The following TSPAN15 variants were observed in gnomAD, a reference collection of about 807,000 sequenced individuals.
TSPAN15 encodes the protein tetraspanin 15.
A neutral mutation model predicts 34.5 loss-of-function variants in TSPAN15; 20 were observed. The ratio of observed to expected loss-of-function variants is 0.58; its 90% CI spans 0.41 to 0.84. The LOEUF (loss-of-function observed/expected upper bound fraction) is 0.84. Ranked by LOEUF, TSPAN15 falls within the 40% of genes least tolerant of loss-of-function variation. TSPAN15 has a pLI of 0.00. For missense variants in TSPAN15, 313 were observed against 386.1 expected (o/e 0.81, Z 1.59); for synonymous variants, 155 against 153.9 (o/e 1.01, Z -0.05).
intron 3 of TSPAN15, among the ~76,000 whole-genome samples, chr10:69,486,777 C>T (rs1049104481): frequency 6.6e-6 from 1 of 152,232 alleles, no homozygotes; most frequent in African/African-American, 2.4e-5. Flanking sequence ...CTGGGGCCTC[C>T]TGCAGTGGGA....
At chr10:69,481,434 T>C (rs909910597) in intron 1 of TSPAN15, among the ~76,000 whole-genome samples, 1 of 152,242 alleles carries the variant, frequency 6.6e-6, no homozygotes, top group African/African-American at 2.4e-5. Context: ...TCTGTTATCC[T>C]GTGTTTCTGC....
chr10:69,507,336 T>G lies in TSPAN15; in HGVS notation c.*358T>G. 8.2e-7 allele frequency: 1 copy of G among 1,215,554 alleles called. No individual in the cohort carries two copies. The highest frequency in any genetic ancestry group is 1.0e-6 in the Non-Finnish European group (1 of 961,196). 75.3% of individuals were successfully genotyped at this position (1,215,554 alleles called of 1,614,324 possible). ...GGCGGTGGTATTCAAGGCAGTTTTG[T>G]AGCACCTGTAATTGGGGAGAGGGAG... On this transcript the variant is annotated 3_prime_UTR_variant, in exon 8 of 8. Coordinates refer to ENST00000373290, the MANE Select transcript of TSPAN15 (RefSeq NM_012339.5).
intron 1 of TSPAN15, among the ~76,000 whole-genome samples, chr10:69,467,979 GT>G (rs1247044538): frequency 2.0e-5 from 3 of 152,142 alleles, no homozygotes; most frequent in Non-Finnish European, 4.4e-5. Context: ...ACTGTCGTGT[GT>G]TACTTGCCTA....
chr10:69,535,274 G>T, the TSPAN15 span, among the ~76,000 whole-genome samples: 112 of 152,186 alleles, frequency 7.4e-4, no homozygotes, highest in Non-Finnish European at 1.5e-3. Flanking sequence ...AACTTCTTAA[G>T]CCACAAAGGT....
intron 1 of TSPAN15, among the ~76,000 whole-genome samples, chr10:69,471,218 T>C (rs1000494916): frequency 1.3e-5 from 2 of 151,786 alleles, no homozygotes; most frequent in Non-Finnish European, 2.9e-5. Flanking sequence ...GTTCTTAAAA[T>C]AGTAGCTCCC....
intron 1 of TSPAN15, among the ~76,000 whole-genome samples, chr10:69,466,414 A>G (rs1693200651): frequency 6.6e-6 from 1 of 152,102 alleles, no homozygotes; most frequent in South Asian, 2.1e-4. Flanking sequence ...GCACAAGATG[A>G]TTGTAGCTGG....
the TSPAN15 span, chr10:69,523,542 A>G: frequency 2.3e-6 from 1 of 425,636 alleles, no homozygotes; most frequent in Non-Finnish European, 4.5e-6. Flanking sequence ...GCTCCTTCCC[A>G]GAGGCATCTG....
chr10:69,534,336 G>GA, the TSPAN15 span, among the ~76,000 whole-genome samples: 1 of 152,174 alleles, frequency 6.6e-6, no homozygotes, highest in Non-Finnish European at 1.5e-5. Context: ...CAGACAACCA[G>GA]AAAGAATAGA....
intron 1 of TSPAN15, among the ~76,000 whole-genome samples, chr10:69,470,684 C>T (rs748337179): frequency 3.9e-5 from 6 of 152,056 alleles, no homozygotes; most frequent in Admixed American, 1.3e-4. Flanking sequence ...CCCAGGAGTC[C>T]GAGACCAGCC....
At chr10:69,528,697 C>T in the TSPAN15 span, among the ~76,000 whole-genome samples, 2 of 148,414 alleles carry the variant, frequency 1.3e-5, no homozygotes, top group Admixed American at 1.4e-4. Flanking sequence ...AGAAGCCCCA[C>T]AGAGGATAGC....
intron 3 of TSPAN15, among the ~76,000 whole-genome samples, chr10:69,490,801 A>G (rs137960355): frequency 6.6e-6 from 1 of 152,240 alleles, no homozygotes; most frequent in East Asian, 1.9e-4. Context: ...TTTATGCTGT[A>G]TTGTTCTTTA....
At chr10:69,467,283 A>G (rs4988635) in intron 1 of TSPAN15, among the ~76,000 whole-genome samples, 60,597 of 151,934 alleles carry the variant, frequency 0.4, 12,588 homozygotes, top group Non-Finnish European at 0.45. Flanking sequence ...TTTAGCTCCA[A>G]GTAGCAGTTA....
chr10:69,534,311 C>G, the TSPAN15 span, among the ~76,000 whole-genome samples: 1 of 152,166 alleles, frequency 6.6e-6, no homozygotes, highest in Non-Finnish European at 1.5e-5. Context: ...CCTGTGGAAT[C>G]TACTAGAGGA....
chr10:69,463,211 C>A (rs1841308361), intron 1 of TSPAN15, among the ~76,000 whole-genome samples: 1 of 152,160 alleles, frequency 6.6e-6, no homozygotes, highest in Non-Finnish European at 1.5e-5. Flanking sequence ...GTGGGGTGGC[C>A]TGTGATAATT....
chr10:69,530,814 CTCTCTCTATATATATATATA>C, the TSPAN15 span, among the ~76,000 whole-genome samples: 402 of 61,280 alleles, frequency 6.6e-3, 3 homozygotes, highest in East Asian at 0.027. Flanking sequence ...CTCTCTCTCT[CTCTCTCTATATATATATATA>C]TATATATATA....
At chr10:69,483,969 C>A in intron 2 of TSPAN15, 93 bp downstream of exon 2, 1 of 1,375,864 alleles carries the variant, frequency 7.3e-7, no homozygotes. Context: ...TCTTTTGTCC[C>A]TGCCTCAAAC....
In TSPAN15 at chr10:69,474,904, T is replaced by A. The variant is rs572962340; in HGVS notation, c.97-8787T>A. Among the ~76,000 whole-genome samples, 3 of 152,266 alleles carry A rather than the reference T, an allele frequency of 2.0e-5. No individual in the cohort carries two copies. In the East Asian group the frequency reaches 5.8e-4, roughly 29 times the overall value. On this transcript the variant is annotated intron_variant, in intron 1 of 7. Coordinates refer to ENST00000373290, the MANE Select transcript of TSPAN15 (RefSeq NM_012339.5). ...CAGGGTGCATCCGGGAGCACTGTCT[T>A]CTGCTCTGACTGACCTCTGGCTACT... is the stretch of plus-strand genomic sequence containing the variant.
the TSPAN15 span, among the ~76,000 whole-genome samples, chr10:69,516,003 A>G: frequency 2.0e-5 from 3 of 152,210 alleles, no homozygotes; most frequent in African/African-American, 4.8e-5. Flanking sequence ...GTGCTCAATA[A>G]ATAATTATTG....
the TSPAN15 span, among the ~76,000 whole-genome samples, chr10:69,539,527 A>G: frequency 0.013 from 1,201 of 90,626 alleles, 93 homozygotes; most frequent in African/African-American, 0.031. Flanking sequence ...GAAGAAGAAG[A>G]AGAAGAAGAA....
Sources: gnomAD v4.1 joint callset for allele counts (sites outside exome capture counted in the v4.1 genomes callset) on GRCh38, gnomAD v4.1.1 for gene constraint, MANE v1.5 for transcripts, NCBI Gene and HGNC (gene_info 2026-07-23, HGNC 2026-07-21) for gene names.